The following DPP4 variants were observed in gnomAD, a reference collection of about 807,000 sequenced individuals.
The protein encoded by DPP4 is ADCP-2.
In DPP4, 93 loss-of-function variants were observed where a neutral mutation model predicts 122.4. The observed-to-expected ratio is 0.76, with a 90% CI of 0.64 to 0.90. The LOEUF (loss-of-function observed/expected upper bound fraction) is 0.90, where lower values mean the gene tolerates loss of function less well. DPP4 is among the 40% of genes least tolerant of loss of function. The pLI, the probability that DPP4 is intolerant of heterozygous loss-of-function variation, is 0.00. For synonymous variants in DPP4, 321 were observed against 302.9 expected (o/e 1.06, Z -0.62); for missense variants, 914 against 907.3 (o/e 1.01, Z -0.09).
chr2:162,070,936 T>C lies in DPP4; in HGVS notation c.94+2463A>G, dbSNP rs536240730. On this transcript the variant is annotated intron_variant, in intron 2 of 25. Transcript: ENST00000360534. Reference sequence around the variant, plus strand: ...CACCTGGTTGTCCAAGAGGTATCCTTAGCCACCCTCTCCTTTACCTCTCTC... The same window carrying C: ...CACCTGGTTGTCCAAGAGGTATCCTCAGCCACCCTCTCCTTTACCTCTCTC... Among the ~76,000 whole-genome samples, 5 of 152,288 alleles carry C rather than the reference T, an allele frequency of 3.3e-5. No individual in the cohort carries two copies. In the East Asian group the frequency reaches 9.7e-4, roughly 29 times the overall value.
chr2:162,034,214 C>G (rs1008188895), intron 9 of DPP4, among the ~76,000 whole-genome samples: 1 of 152,048 alleles, frequency 6.6e-6, no homozygotes, highest in East Asian at 1.9e-4. Flanking sequence ...TGACTGAAAC[C>G]TATAAAACCT....
intron 19 of DPP4, 81 bp from the exon 20 acceptor site, chr2:162,012,068 G>C: frequency 1.6e-5 from 22 of 1,391,302 alleles, no homozygotes; most frequent in East Asian, 2.4e-5. Flanking sequence ...TCTCCGTGGA[G>C]AAGTATGCAT....
Position 162,008,577 on chromosome 2 carries a change from G to A in DPP4, c.1972C>T (p.Arg658Trp), listed in dbSNP as rs764311023. 3.1e-6 allele frequency: 5 copies of A among 1,613,444 alleles called. No individual in the cohort carries two copies. The highest frequency in any genetic ancestry group is 1.3e-5 in the African/African-American group (1 of 74,932). Residue 658 changes from arginine to tryptophan, a missense_variant, in exon 22 of 26, where the codon CGG (arginine) becomes TGG (tryptophan). Transcript: ENST00000360534. Reference sequence around the variant, plus strand: ...AATTACATACCATAGTACTCCCACCGGGATACAGGCGCCACGGCTATTCCA... The same window carrying A: ...AATTACATACCATAGTACTCCCACCAGGATACAGGCGCCACGGCTATTCCA... Reference protein sequence around the residue: ...KCGIAVAPVSRWEYYDSVYTE... With the variant: ...KCGIAVAPVSWWEYYDSVYTE...
At chr2:162,020,811 A>T (rs554207152) in intron 12 of DPP4, 123 bp from the exon 13 acceptor site, 1 of 560,640 alleles carries the variant, frequency 1.8e-6, no homozygotes, top group Non-Finnish European at 3.0e-6. Flanking sequence ...TTATATGCCA[A>T]ATTAAAATTA....
intron 2 of DPP4, among the ~76,000 whole-genome samples, chr2:162,064,309 A>G (rs1260262033): frequency 6.6e-6 from 1 of 152,184 alleles, no homozygotes; most frequent in Non-Finnish European, 1.5e-5. Context: ...CAGTACAGCC[A>G]AACCCTTTTC....
intron 5 of DPP4, among the ~76,000 whole-genome samples, chr2:162,041,989 G>A (rs1009886562): frequency 6.6e-6 from 1 of 152,156 alleles, no homozygotes; most frequent in Non-Finnish European, 1.5e-5. Flanking sequence ...GCCTTGGGGA[G>A]GCAGAGAGGA....
chr2:161,994,937 C>T, intron 25 of DPP4, 24 bp downstream of exon 25: 8 of 1,611,402 alleles, frequency 5.0e-6, no homozygotes, highest in Non-Finnish European at 5.9e-6. Context: ...AACTTCCCTC[C>T]CCTTGCACAA....
intron 10 of DPP4, among the ~76,000 whole-genome samples, chr2:162,028,661 G>T (rs1460821122): frequency 6.6e-6 from 1 of 152,136 alleles, no homozygotes; most frequent in African/African-American, 2.4e-5. Context: ...AGTCCAACGG[G>T]AATATGGTTG....
intron 10 of DPP4, among the ~76,000 whole-genome samples, chr2:162,031,545 C>T (rs2284871): frequency 0.32 from 48,880 of 152,022 alleles, 8,346 homozygotes; most frequent in East Asian, 0.65. Context: ...ACACCAGGCT[C>T]TGCTGGTCTT....
At chr2:162,025,000 T>C in intron 10 of DPP4, 61 bp from the exon 11 acceptor site, 1 of 1,571,266 alleles carries the variant, frequency 6.4e-7, no homozygotes, top group Non-Finnish European at 8.6e-7. Flanking sequence ...TTGCCAGACC[T>C]TGGTACAAAT....
chr2:162,037,672 A>G (rs1447319552), intron 8 of DPP4, among the ~76,000 whole-genome samples: 1 of 152,142 alleles, frequency 6.6e-6, no homozygotes, highest in African/African-American at 2.4e-5. Flanking sequence ...TGTTTTTCTA[A>G]TATTTTCTAA....
At chr2:162,033,468 T>C (rs900437086) in intron 10 of DPP4, 73 bp downstream of exon 10, 15 of 1,145,694 alleles carry the variant, frequency 1.3e-5, no homozygotes, top group Admixed American at 1.2e-4. Context: ...CACTTTGCCA[T>C]TCACTTTTGA....
intron 8 of DPP4, among the ~76,000 whole-genome samples, chr2:162,035,778 C>T (rs548437350): frequency 3.3e-5 from 5 of 152,052 alleles, no homozygotes; most frequent in South Asian, 4.1e-4. Flanking sequence ...GGCTATCAAA[C>T]CAATATGGTG....
intron 2 of DPP4, among the ~76,000 whole-genome samples, chr2:162,050,181 C>A (rs1356513892): frequency 6.6e-6 from 1 of 152,146 alleles, no homozygotes; most frequent in Non-Finnish European, 1.5e-5. Context: ...CTCTTTCATG[C>A]ATCAAATAGT....
intron 10 of DPP4, among the ~76,000 whole-genome samples, chr2:162,030,015 T>C (rs551833809): frequency 1.3e-5 from 2 of 152,320 alleles, no homozygotes; most frequent in Admixed American, 1.3e-4. Context: ...TGGTTGGGCA[T>C]ATGCTATGTC....
At chr2:162,036,935 G>A (rs193059438) in intron 8 of DPP4, among the ~76,000 whole-genome samples, 15 of 152,092 alleles carry the variant, frequency 9.9e-5, no homozygotes, top group Admixed American at 9.8e-4. Context: ...CATTGATTCT[G>A]GTCTATAACA....
chr2:162,065,526 C>T (rs141649695), intron 2 of DPP4, among the ~76,000 whole-genome samples: 195 of 152,254 alleles, frequency 1.3e-3, no homozygotes, highest in African/African-American at 4.5e-3. Flanking sequence ...AGTAATAAAA[C>T]GCTATCATTC....
rs114772128 is a variant in DPP4 at position 162,040,925 on chromosome 2, T to C, written c.367-1741A>G. On this transcript the variant is annotated intron_variant, in intron 5 of 25. Transcript: ENST00000360534. ...GTTCTGAAAAATAAAGTGATATTAATTAAAAAAAAATGAATCAGAGCTAAC... is the reference window on the plus strand; with the variant it reads ...GTTCTGAAAAATAAAGTGATATTAACTAAAAAAAAATGAATCAGAGCTAAC... 5.0e-3 allele frequency among the ~76,000 whole-genome samples: 764 copies of C among 151,906 alleles called. 4 individuals carry two copies. The highest frequency in any genetic ancestry group is 7.4e-3 in the Non-Finnish European group (501 of 67,850).
chr2:162,055,630 C>CCG (rs1684545532), intron 2 of DPP4, among the ~76,000 whole-genome samples: 1 of 151,502 alleles, frequency 6.6e-6, no homozygotes, highest in Admixed American at 6.6e-5. Context: ...CGAGACTGTG[C>CCG]CACTGCACTC....
Sources: gnomAD v4.1 joint callset for allele counts (sites outside exome capture counted in the v4.1 genomes callset) on GRCh38, gnomAD v4.1.1 for gene constraint, MANE v1.5 for transcripts, NCBI Gene and HGNC (gene_info 2026-07-23, HGNC 2026-07-21) for gene names.